The following OPRK1 variants were observed in gnomAD, a reference collection of about 807,000 sequenced individuals.
OPRK1 encodes the protein kappa-type opioid receptor.
Under a neutral mutation model 24.5 loss-of-function variants are expected in OPRK1, and 15 were observed. The ratio of observed to expected loss-of-function variants is 0.61; its 90% CI spans 0.41 to 0.94. The LOEUF (loss-of-function observed/expected upper bound fraction) is 0.94, where lower values mean the gene tolerates loss of function less well. OPRK1 is among the 40% of genes least tolerant of loss of function. OPRK1 has a pLI of 0.00. For synonymous variants in OPRK1, 205 were observed against 198.0 expected, an observed-to-expected ratio of 1.04 and a Z score of -0.30; for missense variants, 479 against 507.3, an observed-to-expected ratio of 0.94 and a Z score of 0.54.
chr8:53,234,133 G>A (rs539502859), intron 3 of OPRK1, among the ~76,000 whole-genome samples: 37 of 138,476 alleles, frequency 2.7e-4, no homozygotes, highest in African/African-American at 8.5e-4. Flanking sequence ...GCAGTGAGCC[G>A]ATATCGCGCC....
In OPRK1 at chr8:53,229,496, C is replaced by A; in HGVS notation, c.944G>T (p.Cys315Phe). Residue 315 changes from cysteine (C) to phenylalanine (F), a missense_variant, in exon 4 of 4, where the codon TGC (cysteine) becomes TTC (phenylalanine). By Grantham distance (205) the Cys-to-Phe change is radical. Coordinates refer to ENST00000265572, the MANE Select transcript of OPRK1 (RefSeq NM_000912.5). ...ACTGTTGGTATAGCCTAAGGCGATG[C>A]AGAAGTAATAGCTGGAGAGAGCAGC... is the stretch of plus-strand genomic sequence containing the variant. ...STAALSSYYF[C>F]IALGYTNSSL... The A allele has an allele frequency of 6.2e-7, 1 of 1,614,204 alleles. No individual in the cohort carries two copies. Among genetic ancestry groups the A allele is most frequent in the Admixed American group, 1.7e-5 (1 of 60,024 alleles).
At chr8:53,249,767 T>TA (rs554935621) in intron 2 of OPRK1, among the ~76,000 whole-genome samples, 2 of 151,960 alleles carry the variant, frequency 1.3e-5, no homozygotes, top group African/African-American at 4.8e-5. Flanking sequence ...AAATCAAGCT[T>TA]AAAAAAAATC....
rs758970285 is a variant in OPRK1 at position 53,248,972 on chromosome 8, T to A, written c.257+1809A>T. On this transcript the variant is annotated intron_variant, in intron 2 of 3. Transcript: ENST00000265572. ...TTTAGTGTTGGATATATTTGGGAAATCTATCCATTAAAAATCCTAGCTAAT... is the reference window on the plus strand; with the variant it reads ...TTTAGTGTTGGATATATTTGGGAAAACTATCCATTAAAAATCCTAGCTAAT... 1.5e-3 allele frequency among the ~76,000 whole-genome samples: 227 copies of A among 152,356 alleles called. 1 individual carries two copies. The highest frequency in any genetic ancestry group is 6.5e-4 in the Non-Finnish European group (44 of 68,032).
chr8:53,250,846 C>T lies in OPRK1; in HGVS notation c.192G>A (p.Ala64=), dbSNP rs1425628594. 1.9e-6 allele frequency: 3 copies of T among 1,613,404 alleles called. No homozygotes were observed. In the African/African-American group the frequency reaches 4.0e-5, roughly 22 times the overall value. ...CCACGACGAACACTACGGAGTAGAC[C>T]GCCGTGATGATGACCGGGATGGCCG... ...ISPAIPVIIT[A]VYSVVFVVGL... is the part of the protein sequence containing the mutation. Residue 64 remains alanine, a synonymous_variant, in exon 2 of 4, where the codon GCG becomes GCA. Transcript: ENST00000265572.
chr8:53,233,916 G>A (rs1563327375), intron 3 of OPRK1, among the ~76,000 whole-genome samples: 1 of 152,060 alleles, frequency 6.6e-6, no homozygotes, highest in African/African-American at 2.4e-5. Flanking sequence ...ATCAACAGGG[G>A]GCCGGGCGCA....
Position 53,245,687 on chromosome 8 carries a change from T to C in OPRK1, c.257+5094A>G, listed in dbSNP as rs1314353660. Among the ~76,000 whole-genome samples, 3 of 152,170 alleles carry C rather than the reference T, an allele frequency of 2.0e-5. No individual in the cohort carries two copies. The East Asian group carries it at 5.8e-4, about 29-fold the overall frequency. Reference sequence around the variant, plus strand: ...TGACAGTTATGGCCACACAAATGGATGAAACCATTGAAAGGGAGTGTGATG... The same window carrying C: ...TGACAGTTATGGCCACACAAATGGACGAAACCATTGAAAGGGAGTGTGATG... On this transcript the variant is annotated intron_variant, in intron 2 of 3. Transcript: ENST00000265572.
At chr8:53,242,163 C>A (rs929403254) in intron 2 of OPRK1, among the ~76,000 whole-genome samples, 2 of 152,178 alleles carry the variant, frequency 1.3e-5, no homozygotes, top group African/African-American at 2.4e-5. Flanking sequence ...CAAAGCAAGC[C>A]ACAGAGCGTG....
intron 2 of OPRK1, among the ~76,000 whole-genome samples, chr8:53,243,247 C>T (rs17272364): frequency 0.04 from 6,143 of 152,262 alleles, 180 homozygotes; most frequent in Non-Finnish European, 0.059. Context: ...CAATTAAGTG[C>T]ATCCAAGTTA....
At chr8:53,230,432 A>G (rs974510850) in intron 3 of OPRK1, among the ~76,000 whole-genome samples, 1 of 152,190 alleles carries the variant, frequency 6.6e-6, no homozygotes, top group Non-Finnish European at 1.5e-5. Context: ...GATTAAGGGC[A>G]TTACTGAAAC....
Position 53,226,337 on chromosome 8 carries a change from G to A in OPRK1, c.*2960C>T, listed in dbSNP as rs765240164. 2.0e-5 allele frequency: 3 copies of A among 152,192 alleles called. No homozygotes were observed. The highest frequency in any genetic ancestry group is 4.1e-4 in the South Asian group (2 of 4,832). 9.4% of individuals were successfully genotyped at this position (152,192 alleles called of 1,614,324 possible). A position where few individuals can be genotyped will look rare whatever the true frequency, so the allele number is the denominator to read the frequency against. On this transcript the variant is annotated 3_prime_UTR_variant, in exon 4 of 4. Transcript: ENST00000265572. Reference sequence around the variant, plus strand: ...TTTCCACTCTCCTCCCAGTTAGAGTGGGGGGTTTCCTCCTCAGTGCTGCCC... The same window carrying A: ...TTTCCACTCTCCTCCCAGTTAGAGTAGGGGGTTTCCTCCTCAGTGCTGCCC...
chr8:53,229,388 C>T lies in OPRK1; in HGVS notation c.1052G>A (p.Arg351Lys). 3 of 1,614,202 alleles carry T rather than the reference C, an allele frequency of 1.9e-6. No individual in the cohort carries two copies. The highest frequency in any genetic ancestry group is 2.2e-5 in the East Asian group (1 of 44,880). ...FRDFCFPLKMRMERQSTSRVR... is the reference protein window; with the variant it reads ...FRDFCFPLKMKMERQSTSRVR... Reference sequence around the variant, plus strand: ...TCTGCTAGTGCTCTGCCGCTCCATCCTCATCTTCAGTGGAAAGCAGAAGTC... The same window carrying T: ...TCTGCTAGTGCTCTGCCGCTCCATCTTCATCTTCAGTGGAAAGCAGAAGTC... Residue 351 changes from arginine to lysine, a missense_variant, in exon 4 of 4, where the codon AGG becomes AAG. Physicochemically the swap from Arg to Lys is conservative, Grantham distance 26. Coordinates refer to ENST00000265572, the MANE Select transcript of OPRK1 (RefSeq NM_000912.5).
Position 53,226,921 on chromosome 8 carries a change from C to T in OPRK1, c.*2376G>A, listed in dbSNP as rs576949771. On this transcript the variant is annotated 3_prime_UTR_variant, in exon 4 of 4. Transcript: ENST00000265572. ...GGAGATGCAGGAAAATCAGGCAAAC[C>T]AATAATGGCAATTAACGCTGTAAGA... 1.3e-5 allele frequency: 2 copies of T among 152,280 alleles called. No individual in the cohort carries two copies. The highest frequency in any genetic ancestry group is 1.9e-4 in the East Asian group (1 of 5,168). 9.4% of individuals were successfully genotyped at this position (152,280 alleles called of 1,614,324 possible).
At chr8:53,247,767 C>T (rs924581370) in intron 2 of OPRK1, among the ~76,000 whole-genome samples, 8 of 151,836 alleles carry the variant, frequency 5.3e-5, no homozygotes, top group East Asian at 1.9e-4. Flanking sequence ...AGGCCAAGGC[C>T]GGCAGATCAC....
intron 1 of OPRK1, 32 bp downstream of exon 1, chr8:53,251,416 C>T (rs959845124): frequency 3.8e-6 from 1 of 261,550 alleles, no homozygotes; most frequent in East Asian, 8.8e-5. Flanking sequence ...GGAGCTCTAC[C>T]TAGAACTGCA....
chr8:53,249,882 T>C (rs1247655329), intron 2 of OPRK1, among the ~76,000 whole-genome samples: 1 of 152,168 alleles, frequency 6.6e-6, no homozygotes, highest in Non-Finnish European at 1.5e-5. Flanking sequence ...CTCTCACAGG[T>C]GTGTTGACAA....
chr8:53,250,887 G>A lies in OPRK1; in HGVS notation c.151C>T (p.Pro51Ser), dbSNP rs756771459. 24 of 1,612,524 alleles carry A rather than the reference G, an allele frequency of 1.5e-5. No individual in the cohort carries two copies. The highest frequency in any genetic ancestry group is 4.0e-5 in the African/African-American group (3 of 74,866). The change falls in exon 2 of 4, where the codon CCC becomes TCC. Residue 51 changes from proline to serine, a missense_variant. Physicochemically the swap from Pro to Ser is moderately conservative, Grantham distance 74 (BLOSUM62 -1). Coordinates refer to ENST00000265572, the MANE Select transcript of OPRK1 (RefSeq NM_000912.5). ...GGGATGGCCGGGGAGATGTGCGCGG[G>A]CTCCAGCTGCGCGTCCTCCGAGCCG... ...SAGSEDAQLEPAHISPAIPVI... is the reference protein window; with the variant it reads ...SAGSEDAQLESAHISPAIPVI...
intron 2 of OPRK1, among the ~76,000 whole-genome samples, chr8:53,245,062 A>G (rs1807198956): frequency 6.6e-6 from 1 of 152,190 alleles, no homozygotes; most frequent in Admixed American, 6.5e-5. Context: ...AATAGTTGTT[A>G]TACTCTATTG....
At chr8:53,236,112 G>GC (rs1261407071) in intron 2 of OPRK1, among the ~76,000 whole-genome samples, 1 of 152,112 alleles carries the variant, frequency 6.6e-6, no homozygotes, top group Non-Finnish European at 1.5e-5. Flanking sequence ...ATTCAAGCGT[G>GC]CCCCATTTGA....
At chr8:53,230,629 C>A (rs1306428686) in intron 3 of OPRK1, among the ~76,000 whole-genome samples, 1 of 152,150 alleles carries the variant, frequency 6.6e-6, no homozygotes, top group East Asian at 1.9e-4. Flanking sequence ...GGGTAGTATT[C>A]TCTTTGGAGT....
Sources: allele counts gnomAD v4.1 joint callset (sites outside exome capture counted in the v4.1 genomes callset), GRCh38; gene constraint gnomAD v4.1.1; transcripts MANE v1.5; gene names NCBI Gene and HGNC (gene_info 2026-07-23, HGNC 2026-07-21).